Variants in UNC13B observed in about 807,000 individuals in gnomAD.
UNC13B encodes unc-13 homolog B, also known as protein unc-13 homolog B.
A neutral mutation model predicts 211.0 loss-of-function variants in UNC13B; 144 were observed. The observed-to-expected ratio is 0.68, with a 90% CI of 0.60 to 0.78. The LOEUF is 0.78. UNC13B is among the 30% of genes least tolerant of loss of function. The pLI is 0.00. For synonymous variants in UNC13B, 709 were observed against 725.8 expected (o/e 0.98, Z 0.37); for missense variants, 1,777 against 2,002.0 (o/e 0.89, Z 2.14).
At chr9:35,239,447 T>C (rs2131542373) in intron 5 of UNC13B, among the ~76,000 whole-genome samples, 1 of 152,144 alleles carries the variant, frequency 6.6e-6, no homozygotes, top group African/African-American at 2.4e-5. Flanking sequence ...CTTCACAAGG[T>C]AATAAAATAT....
chr9:35,206,807 G>A (rs1823673159), intron 1 of UNC13B, among the ~76,000 whole-genome samples: 1 of 151,248 alleles, frequency 6.6e-6, no homozygotes, highest in Non-Finnish European at 1.5e-5. Flanking sequence ...TGAGGAGGCG[G>A]AGTTTGCAGT....
rs962487149 is a variant in UNC13B at position 35,356,123 on chromosome 9, G to C, written c.9415-10824G>C. The stretch of plus-strand genomic sequence containing the variant: ...GACTCAGTACTCAGTCTGGCCTGAG[G>C]GCTGCAGACAGAATCATGGACAGGG... On this transcript the variant is annotated intron_variant, in intron 11 of 39. Coordinates refer to ENST00000635942, the MANE Select transcript of UNC13B (RefSeq NM_001371189.2). Among the ~76,000 whole-genome samples the C allele has an allele frequency of 3.3e-5, 5 of 152,164 alleles. No individual in the cohort carries two copies. The East Asian group carries it at 7.7e-4, about 23-fold the overall frequency.
At position 35,303,846 on chromosome 9, in the gene UNC13B, A is replaced by G; in HGVS notation, c.4442A>G (p.His1481Arg). 2.5e-6 allele frequency: 1 copy of G among 398,824 alleles called. No individual in the cohort carries two copies. The highest frequency in any genetic ancestry group is 4.4e-5 in the Admixed American group (1 of 22,728). The allele number at this position is 398,824 out of a possible 1,614,324, so 24.7% of individuals were successfully genotyped here. A position where few individuals can be genotyped will look rare whatever the true frequency, so the allele number is the denominator to read the frequency against. Residue 1481 changes from histidine (H) to arginine (R), a missense_variant, in exon 9 of 40, where the codon CAT becomes CGT. His to Arg is a conservative substitution (Grantham distance 29, BLOSUM62 0). Coordinates refer to ENST00000635942, the MANE Select transcript of UNC13B (RefSeq NM_001371189.2). ...ATTGACTTAAGTTCTTCATCAGATC[A>G]TGAAAAGACTACATGCCCCGTAGTT... is the stretch of plus-strand genomic sequence containing the variant. Reference protein sequence around the residue: ...LPIDLSSSSDHEKTTCPVVDQ... With the variant: ...LPIDLSSSSDREKTTCPVVDQ...
At chr9:35,249,068 G>C (rs549706435) in intron 6 of UNC13B, among the ~76,000 whole-genome samples, 1 of 152,156 alleles carries the variant, frequency 6.6e-6, no homozygotes, top group African/African-American at 2.4e-5. Context: ...ATTTAAGATA[G>C]TTAGCTCTTC....
intron 37 of UNC13B, chr9:35,401,973 A>G: frequency 6.4e-7 from 1 of 1,550,784 alleles, no homozygotes; most frequent in Non-Finnish European, 8.7e-7. Context: ...AAGGTATTAG[A>G]TTTACTGCTA....
intron 8 of UNC13B, among the ~76,000 whole-genome samples, chr9:35,296,349 CA>C (rs1237093636): frequency 6.6e-6 from 1 of 152,174 alleles, no homozygotes; most frequent in Non-Finnish European, 1.5e-5. Flanking sequence ...TTTCTTATAG[CA>C]GATTCAGTAT....
intron 11 of UNC13B, chr9:35,352,082 A>T (rs1832751536): frequency 1.6e-6 from 2 of 1,232,028 alleles, no homozygotes; most frequent in Non-Finnish European, 2.0e-6. Context: ...CTCAGTACTG[A>T]GTGAAATAGA....
At chr9:35,250,351 A>G (rs1408191687) in intron 6 of UNC13B, among the ~76,000 whole-genome samples, 1 of 152,086 alleles carries the variant, frequency 6.6e-6, no homozygotes, top group Non-Finnish European at 1.5e-5. Flanking sequence ...CCTCAGCCCT[A>G]TACAACCACT....
At chr9:35,191,378 T>G (rs905347900) in intron 1 of UNC13B, among the ~76,000 whole-genome samples, 1 of 152,212 alleles carries the variant, frequency 6.6e-6, no homozygotes, top group Non-Finnish European at 1.5e-5. Context: ...TAAGCTGTCC[T>G]TGCTCATCAC....
chr9:35,245,178 A>G (rs1220324597), intron 6 of UNC13B, among the ~76,000 whole-genome samples: 1 of 151,946 alleles, frequency 6.6e-6, no homozygotes, highest in Admixed American at 6.6e-5. Context: ...TTTTCGTTTT[A>G]TAGGCTTTGC....
At chr9:35,232,177 C>CTTGTTTTTTTTTTTTTT (rs1825242883) in intron 3 of UNC13B, among the ~76,000 whole-genome samples, 1 of 31,536 alleles carries the variant, frequency 3.2e-5, no homozygotes. Context: ...TATATTGCTG[C>CTTGTTTTTTTTTTTTTT]TTTTTTTTTT....
intron 12 of UNC13B, among the ~76,000 whole-genome samples, chr9:35,368,721 G>GTCT (rs747654839): frequency 6.6e-4 from 89 of 135,778 alleles, no homozygotes; most frequent in African/African-American, 2.4e-3. Flanking sequence ...GTCAGTATCT[G>GTCT]TTTTTTTTTT....
chr9:35,250,940 A>C (rs573777857), intron 6 of UNC13B, among the ~76,000 whole-genome samples: 1 of 147,976 alleles, frequency 6.8e-6, no homozygotes, highest in African/African-American at 2.5e-5. Flanking sequence ...GCATGAAAAA[A>C]TGTAGAGTTA....
rs908756251 is a variant in UNC13B, at chr9:35,302,811, A to G, written c.3407A>G (p.Asp1136Gly). The change falls in exon 9 of 40, where the codon GAT becomes GGT. Residue 1136 changes from aspartate (D) to glycine (G), a missense_variant. By Grantham distance (94) the Asp-to-Gly change is moderately conservative. Transcript: ENST00000635942. ...GAAATTAATGAAGATGAGGTTATAG[A>G]TAAGACTTCCAAGAAAAATACCCAA... Reference protein sequence around the residue: ...VNEINEDEVIDKTSKKNTQGS... With the variant: ...VNEINEDEVIGKTSKKNTQGS... The G allele has an allele frequency of 7.5e-6, 3 of 398,574 alleles. No individual in the cohort carries two copies. The highest frequency in any genetic ancestry group is 6.2e-5 in the African/African-American group (3 of 48,624). The allele number at this position is 398,574 out of a possible 1,614,324, so 24.7% of individuals were successfully genotyped here.
chr9:35,368,880 G>T (rs908021679), intron 12 of UNC13B, among the ~76,000 whole-genome samples: 2 of 151,982 alleles, frequency 1.3e-5, no homozygotes, highest in African/African-American at 4.8e-5. Flanking sequence ...CAAAGTTGTG[G>T]CATCAGTTGC....
At chr9:35,261,869 T>G (rs999717495) in intron 7 of UNC13B, among the ~76,000 whole-genome samples, 2 of 152,210 alleles carry the variant, frequency 1.3e-5, no homozygotes, top group African/African-American at 4.8e-5. Flanking sequence ...TGAGAACATG[T>G]GAAGTTTGTC....
intron 1 of UNC13B, among the ~76,000 whole-genome samples, chr9:35,180,775 A>T (rs1230950413): frequency 6.6e-6 from 1 of 152,086 alleles, no homozygotes; most frequent in Non-Finnish European, 1.5e-5. Flanking sequence ...AAATCAATTA[A>T]GTGGGTGACC....
Position 35,403,545 on chromosome 9 carries a change from C to A in UNC13B, c.12683C>A (p.Thr4228Lys), listed in dbSNP as rs1836472417. 1 of 1,611,536 alleles carries A rather than the reference C, an allele frequency of 6.2e-7. No homozygotes were observed. Among genetic ancestry groups the A allele is most frequent in the South Asian group, 1.1e-5 (1 of 91,026 alleles). The change falls in exon 39 of 40, where the codon ACA becomes AAA. Residue 4228 changes from threonine (T) to lysine (K), a missense_variant. By Grantham distance (78) the Thr-to-Lys change is moderately conservative. Coordinates refer to ENST00000635942, the MANE Select transcript of UNC13B (RefSeq NM_001371189.2). ...CAAAGTGATAAGAAGAGGAAGTTCA[C>A]AACCAAATCCAAAAGCAACAACTGG... ...PHQSDKKRKF[T>K]TKSKSNNWAP...
At chr9:35,211,106 G>A (rs1823943233) in intron 1 of UNC13B, among the ~76,000 whole-genome samples, 1 of 152,180 alleles carries the variant, frequency 6.6e-6, no homozygotes, top group Admixed American at 6.5e-5. Context: ...AATATTTTAA[G>A]TCAGCATCCT....
Sources: gnomAD v4.1 joint callset for allele counts (sites outside exome capture counted in the v4.1 genomes callset) on GRCh38, gnomAD v4.1.1 for gene constraint, MANE v1.5 for transcripts, NCBI Gene and HGNC (gene_info 2026-07-23, HGNC 2026-07-21) for gene names.